Variants in NRG1 observed in about 807,000 individuals in gnomAD.
The protein encoded by NRG1 is pro-neuregulin-1, membrane-bound isoform.
A neutral mutation model predicts 63.8 loss-of-function variants in NRG1; 18 were observed. The ratio of observed to expected loss-of-function variants is 0.28; its 90% CI spans 0.19 to 0.42. The LOEUF is 0.42. Ranked by LOEUF, NRG1 falls within the 10% of genes least tolerant of loss-of-function variation. NRG1 has a pLI of 1.00. For missense variants in NRG1, 762 were observed against 814.7 expected (o/e 0.94, Z 0.79); for synonymous variants, 302 against 301.3 (o/e 1.00, Z -0.02).
intron 1 of NRG1, among the ~76,000 whole-genome samples, chr8:32,046,165 T>C (rs1207449775): frequency 6.6e-6 from 1 of 152,068 alleles, no homozygotes; most frequent in Middle Eastern, 3.4e-3. Context: ...AAAGTAGATA[T>C]GGGGAAGGTA....
chr8:32,593,646 C>G (rs1211303016), intron 1 of NRG1, among the ~76,000 whole-genome samples: 1 of 149,952 alleles, frequency 6.7e-6, no homozygotes, highest in Non-Finnish European at 1.5e-5. Context: ...CGAGCAAGAT[C>G]CTGTCTAAAT....
chr8:32,729,262 A>G (rs1823041125), intron 6 of NRG1, among the ~76,000 whole-genome samples: 1 of 152,182 alleles, frequency 6.6e-6, no homozygotes, highest in African/African-American at 2.4e-5. Flanking sequence ...CATATGGTAT[A>G]TGGACTTAAA....
At chr8:32,305,153 T>G (rs1856040127) in intron 1 of NRG1, among the ~76,000 whole-genome samples, 1 of 152,132 alleles carries the variant, frequency 6.6e-6, no homozygotes, top group Admixed American at 6.6e-5. Flanking sequence ...TTATGAAAAA[T>G]GTTCAAATAA....
At chr8:32,198,384 G>C (rs1469146387) in intron 1 of NRG1, among the ~76,000 whole-genome samples, 1 of 152,020 alleles carries the variant, frequency 6.6e-6, no homozygotes, top group Non-Finnish European at 1.5e-5. Flanking sequence ...CGCCATGTTG[G>C]TCAGGCTGGT....
In NRG1 at chr8:31,654,711, G is replaced by A. The variant is rs539088924; in HGVS notation, c.37+15280G>A. Among the ~76,000 whole-genome samples the A allele has an allele frequency of 2.6e-5, 4 of 152,330 alleles. No homozygotes were observed. The South Asian group carries it at 8.3e-4, about 32-fold the overall frequency. On this transcript the variant is annotated intron_variant, in intron 1 of 10. Transcript: ENST00000519301. Reference sequence around the variant, plus strand: ...ACAGTGCTTTGGGAGGTTGAAGCAGGAGAATCGCCTGAGGCCAGGAGTCTG... The same window carrying A: ...ACAGTGCTTTGGGAGGTTGAAGCAGAAGAATCGCCTGAGGCCAGGAGTCTG...
intron 5 of NRG1, among the ~76,000 whole-genome samples, chr8:32,667,565 A>T (rs1385038619): frequency 6.6e-6 from 1 of 152,184 alleles, no homozygotes; most frequent in African/African-American, 2.4e-5. Context: ...TACTTTTCTT[A>T]TTATATATTA....
At chr8:32,229,369 G>C (rs1846661937) in intron 1 of NRG1, among the ~76,000 whole-genome samples, 1 of 152,180 alleles carries the variant, frequency 6.6e-6, no homozygotes, top group Non-Finnish European at 1.5e-5. Context: ...TGAGGATATT[G>C]TGAGTCAGGG....
chr8:32,313,907 A>G (rs1404724252), intron 1 of NRG1, among the ~76,000 whole-genome samples: 1 of 152,136 alleles, frequency 6.6e-6, no homozygotes, highest in Non-Finnish European at 1.5e-5. Context: ...CAAAACTGAT[A>G]TCAATTTTTG....
chr8:32,705,565 A>T (rs905588445), intron 5 of NRG1, among the ~76,000 whole-genome samples: 1 of 152,190 alleles, frequency 6.6e-6, no homozygotes, highest in Non-Finnish European at 1.5e-5. Flanking sequence ...TTGAGAGGGG[A>T]TCTCCTCTTG....
At chr8:32,635,764 A>C (rs1851224650) in intron 5 of NRG1, among the ~76,000 whole-genome samples, 1 of 152,156 alleles carries the variant, frequency 6.6e-6, no homozygotes, top group East Asian at 1.9e-4. Flanking sequence ...AAACTGCTTA[A>C]TTGGTTCTTC....
intron 1 of NRG1, among the ~76,000 whole-genome samples, chr8:32,456,607 C>T (rs1370955917): frequency 6.6e-6 from 1 of 152,200 alleles, no homozygotes; most frequent in Non-Finnish European, 1.5e-5. Flanking sequence ...TTTCCTTTAT[C>T]TAGCTTACTT....
rs180762291 is a variant in NRG1, at chr8:31,907,726, G to A, written c.37+268295G>A. Among the ~76,000 whole-genome samples the A allele has an allele frequency of 3.7e-3, 570 of 152,150 alleles. 9 individuals are homozygous for A. Among genetic ancestry groups the A allele is most frequent in the Admixed American group, 0.025 (379 of 15,266 alleles). ...TCTATAATAAACTTACGTCTTCTTA[G>A]GGTGATACGAAAATTATTAAACTCA... On this transcript the variant is annotated intron_variant, in intron 1 of 10. Transcript: ENST00000519301.
In NRG1 at chr8:31,731,108, C is replaced by T. The variant is rs549230998; in HGVS notation, c.37+91677C>T. Among the ~76,000 whole-genome samples, 8 of 152,184 alleles carry T rather than the reference C, an allele frequency of 5.3e-5. No individual in the cohort carries two copies. The East Asian group carries it at 9.7e-4, about 18-fold the overall frequency. On this transcript the variant is annotated intron_variant, in intron 1 of 10. Transcript: ENST00000519301. ...AAGCACGTCTCATCTTTCTGGAAAG[C>T]GATTTGGCAATGTATATCAAACCTT...
intron 5 of NRG1, chr8:32,647,044 G>A: frequency 2.0e-6 from 2 of 985,304 alleles, no homozygotes; most frequent in East Asian, 1.1e-4. Flanking sequence ...TCGGGGGTGG[G>A]GTGGAGGCAG....
At chr8:32,020,045 T>C (rs978104999) in intron 1 of NRG1, among the ~76,000 whole-genome samples, 4 of 152,180 alleles carry the variant, frequency 2.6e-5, no homozygotes, top group African/African-American at 9.6e-5. Context: ...AAATAAATCT[T>C]CTGGGGTTTT....
chr8:32,542,512 C>T (rs979410622), intron 1 of NRG1, among the ~76,000 whole-genome samples: 6 of 152,144 alleles, frequency 3.9e-5, no homozygotes, highest in Non-Finnish European at 8.8e-5. Flanking sequence ...AAAAGCTTTT[C>T]CAAGCAACTG....
At chr8:31,975,866 T>C (rs1296425468) in intron 1 of NRG1, among the ~76,000 whole-genome samples, 2 of 152,214 alleles carry the variant, frequency 1.3e-5, no homozygotes, top group East Asian at 3.8e-4. Flanking sequence ...TATAAATACA[T>C]AATTATTCAT....
intron 1 of NRG1, among the ~76,000 whole-genome samples, chr8:31,718,439 A>G (rs1247389963): frequency 1.3e-5 from 2 of 152,152 alleles, no homozygotes; most frequent in African/African-American, 2.4e-5. Flanking sequence ...GCTGCTTCAT[A>G]CTTTATAGCA....
chr8:32,476,526 A>G (rs1235650333), intron 1 of NRG1, among the ~76,000 whole-genome samples: 1 of 152,210 alleles, frequency 6.6e-6, no homozygotes, highest in Non-Finnish European at 1.5e-5. Context: ...ATAATCTTTT[A>G]TGGGTGGGGA....
Sources: allele counts gnomAD v4.1 joint callset (sites outside exome capture counted in the v4.1 genomes callset), GRCh38; gene constraint gnomAD v4.1.1; transcripts MANE v1.5; gene names NCBI Gene and HGNC (gene_info 2026-07-23, HGNC 2026-07-21).